The following CDH18 variants were observed in gnomAD, a reference collection of about 807,000 sequenced individuals.
The protein encoded by CDH18 is cadherin-18.
CDH18 carries 31 observed loss-of-function variants against 67.9 expected under a neutral mutation model. The observed-to-expected ratio is 0.46, with a 90% CI of 0.34 to 0.62. The LOEUF (loss-of-function observed/expected upper bound fraction) is 0.62. CDH18 is among the 20% of genes least tolerant of loss of function. The probability of loss-of-function intolerance (pLI) is 0.01; values close to 1 mark genes in which losing one functional copy is unlikely to be tolerated. For synonymous variants in CDH18, 362 were observed against 347.2 expected, an observed-to-expected ratio of 1.04 and a Z score of -0.48; for missense variants, 890 against 975.5, an observed-to-expected ratio of 0.91 and a Z score of 1.17.
At chr5:20,496,508 A>G (rs1303244969) in intron 1 of CDH18, among the ~76,000 whole-genome samples, 1 of 152,184 alleles carries the variant, frequency 6.6e-6, no homozygotes, top group Admixed American at 6.6e-5. Flanking sequence ...ACCATTATTT[A>G]AAATATACAA....
intron 1 of CDH18, among the ~76,000 whole-genome samples, chr5:20,351,396 T>C (rs1741175513): frequency 6.6e-6 from 1 of 152,142 alleles, no homozygotes; most frequent in Non-Finnish European, 1.5e-5. Context: ...ATAAGCAACA[T>C]TAACAGCAGC....
In CDH18 at chr5:19,994,855, T is replaced by TATATAGAGAGAGAGAGAG. The variant is rs760777430; in HGVS notation, c.-517-2842_-517-2841insCTCTCTCTCTCTCTATAT. On this transcript the variant is annotated intron_variant, in intron 2 of 14. Transcript: ENST00000507958. ...ATATATATATATATATATATATATATAGAGAGAGAGAGAGAGAGAGAGATG... is the reference window on the plus strand; with the variant it reads ...ATATATATATATATATATATATATATATATAGAGAGAGAGAGAGAGAGAGAGAGAGAGAGAGAGAGATG... 1.1e-3 allele frequency among the ~76,000 whole-genome samples: 77 copies of TATATAGAGAGAGAGAGAG among 67,584 alleles called. 14 individuals are homozygous for TATATAGAGAGAGAGAGAG. Among genetic ancestry groups the TATATAGAGAGAGAGAGAG allele is most frequent in the African/African-American group, 5.5e-3 (75 of 13,598 alleles). 44.3% of individuals were successfully genotyped at this position (67,584 alleles called of 152,430 possible).
intron 1 of CDH18, among the ~76,000 whole-genome samples, chr5:20,526,631 C>T (rs1389005168): frequency 6.6e-6 from 1 of 151,944 alleles, no homozygotes; most frequent in African/African-American, 2.4e-5. Context: ...GGAGTGGGCC[C>T]CCAGCAAACT....
intron 1 of CDH18, among the ~76,000 whole-genome samples, chr5:20,300,303 C>CGCGTGT (rs1554114522): frequency 1.3e-5 from 2 of 148,506 alleles, no homozygotes; most frequent in Admixed American, 6.7e-5. Context: ...TGTGTGTGTG[C>CGCGTGT]GTGTGTGTGT....
chr5:20,219,744 C>A (rs925870841), intron 2 of CDH18, among the ~76,000 whole-genome samples: 15 of 151,644 alleles, frequency 9.9e-5, no homozygotes, highest in African/African-American at 3.4e-4. Flanking sequence ...ATGATCATTT[C>A]AATTGATGCA....
intron 2 of CDH18, among the ~76,000 whole-genome samples, chr5:20,049,934 T>C (rs1198112433): frequency 6.6e-6 from 1 of 151,780 alleles, no homozygotes; most frequent in Non-Finnish European, 1.5e-5. Context: ...TTAATTATAT[T>C]AACCAAAGTT....
At chr5:19,838,001 T>G (rs2150022081) in intron 3 of CDH18, among the ~76,000 whole-genome samples, 1 of 152,278 alleles carries the variant, frequency 6.6e-6, no homozygotes, top group East Asian at 1.9e-4. Flanking sequence ...TCTCCCATGT[T>G]ACTGACCACA....
At chr5:19,999,826 C>G (rs1736303283) in intron 2 of CDH18, among the ~76,000 whole-genome samples, 1 of 152,156 alleles carries the variant, frequency 6.6e-6, no homozygotes, top group South Asian at 2.1e-4. Context: ...CTTTATGCAA[C>G]TGCAGAGGTC....
intron 1 of CDH18, among the ~76,000 whole-genome samples, chr5:20,406,852 A>C (rs967768735): frequency 1.3e-5 from 2 of 152,186 alleles, no homozygotes; most frequent in Non-Finnish European, 2.9e-5. Context: ...AACTAGTCAA[A>C]AGGCTTTGGC....
intron 2 of CDH18, among the ~76,000 whole-genome samples, chr5:19,887,196 C>T (rs974450435): frequency 6.6e-6 from 1 of 150,674 alleles, no homozygotes; most frequent in Non-Finnish European, 1.5e-5. Flanking sequence ...TACTTTTTCA[C>T]ATACAACTTA....
At chr5:19,832,640 C>T (rs1781184379) in intron 3 of CDH18, among the ~76,000 whole-genome samples, 1 of 152,030 alleles carries the variant, frequency 6.6e-6, no homozygotes. Context: ...AGGTTTTCTT[C>T]TAAGATTTTT....
intron 3 of CDH18, among the ~76,000 whole-genome samples, chr5:19,778,905 G>GA (rs1275413362): frequency 1.3e-5 from 2 of 152,088 alleles, no homozygotes; most frequent in African/African-American, 4.8e-5. Context: ...ATTATGCTCA[G>GA]ATACCTCCTC....
At chr5:20,502,168 G>A (rs1047602909) in intron 1 of CDH18, among the ~76,000 whole-genome samples, 5 of 152,062 alleles carry the variant, frequency 3.3e-5, no homozygotes, top group Non-Finnish European at 7.4e-5. Context: ...AAAGAATGAA[G>A]GTGTGCTTTC....
chr5:20,401,239 C>T (rs1011730015), intron 1 of CDH18, among the ~76,000 whole-genome samples: 1 of 152,130 alleles, frequency 6.6e-6, no homozygotes, highest in Non-Finnish European at 1.5e-5. Context: ...TATATTTATA[C>T]TTATGCTTAA....
chr5:19,539,150 T>G (rs533234058), intron 9 of CDH18, among the ~76,000 whole-genome samples: 1 of 152,308 alleles, frequency 6.6e-6, no homozygotes, highest in South Asian at 2.1e-4. Flanking sequence ...TAGTGCTCTT[T>G]CTTTCTATAC....
chr5:20,219,479 A>T (rs753645442), intron 2 of CDH18, among the ~76,000 whole-genome samples: 2 of 151,060 alleles, frequency 1.3e-5, no homozygotes, highest in African/African-American at 2.4e-5. Context: ...TTATTGTATG[A>T]GGCTAGTTTT....
chr5:19,883,716 C>T (rs147449042), intron 2 of CDH18, among the ~76,000 whole-genome samples: 1,908 of 152,062 alleles, frequency 0.013, 35 homozygotes, highest in Non-Finnish European at 0.014. Context: ...AGGGGTTTGA[C>T]GTTCTGTTTT....
At chr5:20,565,928 C>T (rs1446062716) in intron 1 of CDH18, among the ~76,000 whole-genome samples, 2 of 151,940 alleles carry the variant, frequency 1.3e-5, no homozygotes, top group African/African-American at 4.8e-5. Context: ...TGGCCAAATC[C>T]AGTATTATGT....
At chr5:20,004,914 G>A (rs1736766616) in intron 2 of CDH18, among the ~76,000 whole-genome samples, 1 of 152,114 alleles carries the variant, frequency 6.6e-6, no homozygotes, top group South Asian at 2.1e-4. Flanking sequence ...AATGAGTTGA[G>A]GAACAGTGGG....
Sources: allele counts gnomAD v4.1 joint callset (sites outside exome capture counted in the v4.1 genomes callset), GRCh38; gene constraint gnomAD v4.1.1; transcripts MANE v1.5; gene names NCBI Gene and HGNC (gene_info 2026-07-23, HGNC 2026-07-21).